The following CSMD1 variants were observed in gnomAD, a reference collection of about 807,000 sequenced individuals.
CSMD1 encodes the protein CUB and sushi domain-containing protein 1.
A neutral mutation model predicts 417.5 loss-of-function variants in CSMD1; 213 were observed. The observed-to-expected ratio is 0.51, with a 90% confidence interval of 0.46 to 0.57. CSMD1 has a LOEUF of 0.57. CSMD1 is among the 20% of genes least tolerant of loss of function. CSMD1 has a pLI of 0.00. For missense variants in CSMD1, 6,923 were observed against 4,529.7 expected (o/e 1.53, Z -15.17); for synonymous variants, 2,862 against 1,736.8 (o/e 1.65, Z -16.11).
intron 3 of CSMD1, among the ~76,000 whole-genome samples, chr8:4,101,972 C>G (rs1311035791): frequency 6.6e-6 from 1 of 152,154 alleles, no homozygotes; most frequent in African/African-American, 2.4e-5. Flanking sequence ...ACTCTTGAAT[C>G]CCATGGTGTT....
intron 1 of CSMD1, among the ~76,000 whole-genome samples, chr8:4,723,796 A>AAAC (rs755837971): frequency 4.1e-5 from 6 of 146,202 alleles, no homozygotes; most frequent in Non-Finnish European, 7.4e-5. Flanking sequence ...GTAAAAAAAA[A>AAAC]AAAACAAAAA....
At chr8:4,860,009 C>A (rs1247944471) in intron 1 of CSMD1, among the ~76,000 whole-genome samples, 1 of 151,936 alleles carries the variant, frequency 6.6e-6, no homozygotes, top group Non-Finnish European at 1.5e-5. Flanking sequence ...TGGAACCAAC[C>A]CAAATGTCCA....
At chr8:4,897,300 G>T (rs967680577) in intron 1 of CSMD1, among the ~76,000 whole-genome samples, 12 of 151,942 alleles carry the variant, frequency 7.9e-5, no homozygotes, top group Admixed American at 2.6e-4. Flanking sequence ...GAAAAAAACG[G>T]AAAAAATAAA....
At chr8:4,629,995 GCCTAAAATA>G (rs1802409942) in intron 2 of CSMD1, among the ~76,000 whole-genome samples, 1 of 151,994 alleles carries the variant, frequency 6.6e-6, no homozygotes, top group South Asian at 2.1e-4. Context: ...ATTTACAAAT[GCCTAAAATA>G]CTTCTCTGCC....
intron 63 of CSMD1, among the ~76,000 whole-genome samples, chr8:2,956,471 A>G (rs1449022224): frequency 6.6e-6 from 1 of 151,576 alleles, no homozygotes; most frequent in South Asian, 2.1e-4. Context: ...TTTTTTATTT[A>G]TTTTTTGAGT....
At chr8:4,852,675 G>A (rs547278027) in intron 1 of CSMD1, among the ~76,000 whole-genome samples, 1 of 152,266 alleles carries the variant, frequency 6.6e-6, no homozygotes, top group Admixed American at 6.5e-5. Flanking sequence ...AGAGTTTGGA[G>A]GACTCAAAAG....
At chr8:3,648,298 C>A (rs769548556) in intron 7 of CSMD1, among the ~76,000 whole-genome samples, 26 of 152,302 alleles carry the variant, frequency 1.7e-4, no homozygotes, top group Non-Finnish European at 3.2e-4. Context: ...CAAATCTGCC[C>A]TACAAATTGC....
intron 26 of CSMD1, among the ~76,000 whole-genome samples, chr8:3,267,494 C>T (rs1801520822): frequency 6.6e-6 from 1 of 152,138 alleles, no homozygotes; most frequent in African/African-American, 2.4e-5. Flanking sequence ...CGTGAGGTTT[C>T]CTCAGGAGCT....
At position 2,991,571 on chromosome 8, in the gene CSMD1, G is replaced by A. The variant is rs557513116; in HGVS notation, c.8377+6440C>T. On this transcript the variant is annotated intron_variant, in intron 54 of 69. Coordinates refer to ENST00000635120, the MANE Select transcript of CSMD1 (RefSeq NM_033225.6). ...TTTGAATTTTTTTAACAACAGACGT[G>A]GTTCAAAATTGCCATTTCCTTATGA... Among the ~76,000 whole-genome samples, 3 of 152,114 alleles carry A rather than the reference G, an allele frequency of 2.0e-5. No individual in the cohort carries two copies. In the South Asian group the frequency reaches 6.2e-4, roughly 32 times the overall value.
chr8:4,748,728 T>C (rs1050646097), intron 1 of CSMD1, among the ~76,000 whole-genome samples: 1 of 152,236 alleles, frequency 6.6e-6, no homozygotes, highest in East Asian at 1.9e-4. Flanking sequence ...CAAAGAATAC[T>C]CAAAGTAAAA....
At chr8:3,417,243 A>C (rs1254437795) in intron 12 of CSMD1, among the ~76,000 whole-genome samples, 4 of 152,182 alleles carry the variant, frequency 2.6e-5, no homozygotes. Flanking sequence ...GGGACCTTTA[A>C]ATTCCATACG....
At chr8:4,571,112 T>C (rs1798873556) in intron 2 of CSMD1, among the ~76,000 whole-genome samples, 1 of 152,150 alleles carries the variant, frequency 6.6e-6, no homozygotes, top group South Asian at 2.1e-4. Flanking sequence ...TTCACTGAGG[T>C]TTTGAAGGGA....
At chr8:4,361,166 A>C (rs1801736686) in intron 3 of CSMD1, among the ~76,000 whole-genome samples, 1 of 152,182 alleles carries the variant, frequency 6.6e-6, no homozygotes, top group African/African-American at 2.4e-5. Flanking sequence ...GAATGGGCTA[A>C]ATTAGACTTA....
intron 33 of CSMD1, among the ~76,000 whole-genome samples, chr8:3,195,621 T>C (rs969108747): frequency 1.3e-5 from 2 of 152,150 alleles, no homozygotes; most frequent in African/African-American, 2.4e-5. Flanking sequence ...CGGCCAGTAA[T>C]GCAGGTCCTG....
chr8:4,947,511 A>G (rs1226792727), intron 1 of CSMD1, among the ~76,000 whole-genome samples: 1 of 152,164 alleles, frequency 6.6e-6, no homozygotes, highest in African/African-American at 2.4e-5. Context: ...TGGTAATAAC[A>G]TCAATCCCAC....
intron 12 of CSMD1, among the ~76,000 whole-genome samples, chr8:3,410,482 G>C (rs1313826668): frequency 3.9e-5 from 6 of 152,144 alleles, no homozygotes; most frequent in African/African-American, 1.4e-4. Context: ...TCAGGATAGT[G>C]AATAAGGCTC....
rs150605029 is a variant in CSMD1 at position 4,497,809 on chromosome 8, C to A, written c.303-77744G>T. On this transcript the variant is annotated intron_variant, in intron 2 of 69. Transcript: ENST00000635120. ...GCTTAGCAGAAAGATTGGTAGCAAG[C>A]ACAGCTGTCCAGAATCAACGGTAGA... Among the ~76,000 whole-genome samples, 247 of 152,298 alleles carry A rather than the reference C, an allele frequency of 1.6e-3. 1 individual carries two copies. Among genetic ancestry groups the A allele is most frequent in the African/African-American group, 5.7e-3 (235 of 41,566 alleles).
At chr8:3,159,569 G>C (rs1038828530) in intron 38 of CSMD1, among the ~76,000 whole-genome samples, 1 of 152,144 alleles carries the variant, frequency 6.6e-6, no homozygotes, top group African/African-American at 2.4e-5. Flanking sequence ...TGCATCTGTT[G>C]TTCCAAATAT....
intron 1 of CSMD1, among the ~76,000 whole-genome samples, chr8:4,725,902 A>G (rs528653053): frequency 2.0e-5 from 3 of 152,260 alleles, no homozygotes; most frequent in South Asian, 2.1e-4. Flanking sequence ...CTGGGTTCAC[A>G]TTCCAGGGGG....
Sources: gnomAD v4.1 joint callset for allele counts (sites outside exome capture counted in the v4.1 genomes callset) on GRCh38, gnomAD v4.1.1 for gene constraint, MANE v1.5 for transcripts, NCBI Gene and HGNC (gene_info 2026-07-23, HGNC 2026-07-21) for gene names.